The following CAMK4 variants were observed in gnomAD, a reference collection of about 807,000 sequenced individuals.
The protein encoded by CAMK4 is calcium/calmodulin-dependent protein kinase type IV.
A neutral mutation model predicts 44.9 loss-of-function variants in CAMK4; 22 were observed. That is an observed-to-expected ratio of 0.49 (90% confidence interval 0.35 to 0.70). The LOEUF (loss-of-function observed/expected upper bound fraction) is 0.70, where lower values mean the gene tolerates loss of function less well. CAMK4 is among the 30% of genes least tolerant of loss of function. CAMK4 has a pLI of 0.01. For missense variants in CAMK4, 498 were observed against 586.8 expected (o/e 0.85, Z 1.56); for synonymous variants, 218 against 215.4 (o/e 1.01, Z -0.11).
At chr5:111,230,944 G>A (rs62376852) in intron 1 of CAMK4, among the ~76,000 whole-genome samples, 29,621 of 151,960 alleles carry the variant, frequency 0.19, 3,673 homozygotes, top group Non-Finnish European at 0.28. Context: ...TTTGAGGCAA[G>A]GAACCATGTA....
intron 4 of CAMK4, among the ~76,000 whole-genome samples, chr5:111,382,663 T>A (rs1751461567): frequency 6.6e-6 from 1 of 152,214 alleles, no homozygotes; most frequent in Admixed American, 6.5e-5. Flanking sequence ...ATACATTTTA[T>A]AGACAAGATA....
intron 1 of CAMK4, among the ~76,000 whole-genome samples, chr5:111,342,562 AT>A (rs60572721): frequency 6.7e-6 from 1 of 150,056 alleles, no homozygotes; most frequent in African/African-American, 2.4e-5. Context: ...TTTGGTGTTG[AT>A]TTTTTTTTAT....
intron 1 of CAMK4, among the ~76,000 whole-genome samples, chr5:111,325,238 C>T (rs941429112): frequency 1.3e-5 from 2 of 151,974 alleles, no homozygotes; most frequent in African/African-American, 4.8e-5. Flanking sequence ...ATATATGCCA[C>T]ATTTTCTTTA....
Position 111,472,192 on chromosome 5 carries a change from G to A in CAMK4, c.626-1119G>A, listed in dbSNP as rs188707526. On this transcript the variant is annotated intron_variant, in intron 7 of 10. Coordinates refer to ENST00000282356, the MANE Select transcript of CAMK4 (RefSeq NM_001744.6). ...TTACAGGTGTGAGCCACTGTGCCCA[G>A]CCCCAGAGCTCATCTTGATAGGCAA... 9.9e-5 allele frequency among the ~76,000 whole-genome samples: 15 copies of A among 152,230 alleles called. No homozygotes were observed. The South Asian group carries it at 1.0e-3, about 11-fold the overall frequency.
In CAMK4 at chr5:111,489,366, A is replaced by G. The variant is rs1227798844; in HGVS notation, c.*4900A>G. The G allele has an allele frequency of 6.6e-6, 1 of 152,124 alleles. No homozygotes were observed. Among genetic ancestry groups the G allele is most frequent in the Non-Finnish European group, 1.5e-5 (1 of 68,016 alleles). The allele number at this position is 152,124 out of a possible 1,614,324, so 9.4% of individuals were successfully genotyped here. On this transcript the variant is annotated 3_prime_UTR_variant, in exon 11 of 11. Transcript: ENST00000282356. ...TATATTAAGAGCAAATTTTGTCATT[A>G]TTACTCCTTGTGGCTATTACCTGAG...
intron 2 of CAMK4, among the ~76,000 whole-genome samples, chr5:111,346,488 A>ATCTATCTATCTG (rs1330556650): frequency 1.7e-5 from 1 of 60,282 alleles, no homozygotes; most frequent in Non-Finnish European, 4.5e-5. Context: ...AACTTTATCT[A>ATCTATCTATCTG]TCTATCTATC....
At chr5:111,354,964 G>C (rs755877435) in intron 2 of CAMK4, among the ~76,000 whole-genome samples, 1 of 152,128 alleles carries the variant, frequency 6.6e-6, no homozygotes, top group East Asian at 1.9e-4. Context: ...ATGTACATAA[G>C]AGGGATGGAT....
intron 5 of CAMK4, among the ~76,000 whole-genome samples, chr5:111,438,822 A>G (rs907137575): frequency 6.6e-6 from 1 of 152,202 alleles, no homozygotes; most frequent in African/African-American, 2.4e-5. Context: ...AGACTGCAGT[A>G]TTTTGTTTGG....
Position 111,482,968 on chromosome 5 carries a change from T to C in CAMK4, c.981+31T>C, listed in dbSNP as rs1173053521. The C allele has an allele frequency of 1.9e-6, 3 of 1,563,990 alleles. No homozygotes were observed. Among genetic ancestry groups the C allele is most frequent in the Non-Finnish European group, 1.7e-6 (2 of 1,158,746 alleles). The stretch of plus-strand genomic sequence containing the variant: ...ATAGCATATATTTTGTTTTGTTTTG[T>C]TTTGTTTTCAAAAAATTTATCTCAT... On this transcript the variant is annotated intron_variant, in intron 10 of 10. Transcript: ENST00000282356. This position sits in a 1 kb window ranked among gnomAD's most constrained non-coding sequence, Gnocchi z 4.9.
chr5:111,264,733 G>T (rs146621294), intron 1 of CAMK4, among the ~76,000 whole-genome samples: 26 of 152,166 alleles, frequency 1.7e-4, no homozygotes, highest in African/African-American at 5.5e-4. Flanking sequence ...TCATGGCAAG[G>T]TTCCAAGGAT....
At chr5:111,378,240 A>G (rs1751287720) in intron 4 of CAMK4, among the ~76,000 whole-genome samples, 2 of 152,222 alleles carry the variant, frequency 1.3e-5, no homozygotes, top group South Asian at 4.1e-4. Flanking sequence ...GGCCCTCACC[A>G]GACACAAAAT....
At chr5:111,224,319 C>A (rs541623904), upstream of CAMK4, 5 of 1,059,550 alleles carry the variant, frequency 4.7e-6, no homozygotes, top group South Asian at 1.1e-4. This position sits in a 1 kb window ranked among gnomAD's most constrained non-coding sequence, Gnocchi z 5.7. Context: ...CCCCCTTCCC[C>A]GCCCACCGTC....
At chr5:111,426,654 A>G (rs1032174320) in intron 5 of CAMK4, among the ~76,000 whole-genome samples, 4 of 151,980 alleles carry the variant, frequency 2.6e-5, no homozygotes, top group African/African-American at 7.3e-5. Flanking sequence ...CCCACCCCCA[A>G]TGGTACCAGC....
At chr5:111,437,161 T>C (rs540726846) in intron 5 of CAMK4, among the ~76,000 whole-genome samples, 1 of 152,232 alleles carries the variant, frequency 6.6e-6, no homozygotes, top group African/African-American at 2.4e-5. Context: ...GTTTAATAAG[T>C]GCAAAGATGC....
intron 5 of CAMK4, among the ~76,000 whole-genome samples, chr5:111,405,644 C>G (rs931774606): frequency 1.3e-5 from 2 of 152,008 alleles, no homozygotes; most frequent in Non-Finnish European, 2.9e-5. Flanking sequence ...ATTGTGAGAA[C>G]CAAGGCTTAA....
chr5:111,350,365 C>T (rs653677), intron 2 of CAMK4, among the ~76,000 whole-genome samples: 139,481 of 152,124 alleles, frequency 0.92, 64,056 homozygotes, highest in East Asian at 1. Context: ...GTAGCACAGA[C>T]GATTTTTACA....
At chr5:111,346,391 C>G (rs1301237154) in intron 2 of CAMK4, among the ~76,000 whole-genome samples, 1 of 151,888 alleles carries the variant, frequency 6.6e-6, no homozygotes, top group African/African-American at 2.4e-5. Context: ...TGTGGTCCAA[C>G]TAACAACTTT....
chr5:111,469,143 T>TC (rs1754953879), intron 7 of CAMK4, among the ~76,000 whole-genome samples: 1 of 16,082 alleles, frequency 6.2e-5, no homozygotes, highest in African/African-American at 2.7e-4. Context: ...AAACTCCATC[T>TC]CAAAAAAAAA....
At chr5:111,282,691 T>C (rs550163493) in intron 1 of CAMK4, among the ~76,000 whole-genome samples, 22 of 152,386 alleles carry the variant, frequency 1.4e-4, no homozygotes, top group Admixed American at 7.8e-4. Context: ...ACTGTATGCA[T>C]ATTTTTGCAA....
Sources: allele counts gnomAD v4.1 joint callset (sites outside exome capture counted in the v4.1 genomes callset), GRCh38; gene constraint gnomAD v4.1.1; non-coding constraint Gnocchi (gnomAD v3.1); transcripts MANE v1.5; gene names NCBI Gene and HGNC (gene_info 2026-07-23, HGNC 2026-07-21).